Variants in MED12 observed in about 807,000 individuals in gnomAD.
The protein encoded by MED12 is mediator complex subunit 12.
In MED12, 10 loss-of-function variants were observed where a neutral mutation model predicts 177.7. The ratio of observed to expected loss-of-function variants is 0.06; its 90% confidence interval spans 0.03 to 0.10. MED12 has a LOEUF of 0.10. Ranked by LOEUF, MED12 falls within the 10% of genes least tolerant of loss-of-function variation. The pLI, the probability that MED12 is intolerant of heterozygous loss-of-function variation, is 1.00. For synonymous variants in MED12, 641 were observed against 678.4 expected (o/e 0.94, Z 0.86); for missense variants, 867 against 1,780.8 (o/e 0.49, Z 9.23).
At chrX:71,120,428 T>C (rs954267442) in intron 4 of MED12, among the ~76,000 whole-genome samples, 3 of 109,954 alleles carry the variant, frequency 2.7e-5, no homozygotes, top group Non-Finnish European at 5.7e-5. Context: ...AATAACATAA[T>C]TAAATATAGA....
chrX:71,138,411 C>T (rs189364326), intron 41 of MED12, among the ~76,000 whole-genome samples: 44 of 110,354 alleles, frequency 4.0e-4, no homozygotes, highest in African/African-American at 6.9e-4. Context: ...ACTGCAGCCT[C>T]GACCTCTGAG....
intron 41 of MED12, among the ~76,000 whole-genome samples, chrX:71,139,592 T>C (rs763601210): frequency 1.8e-5 from 2 of 110,307 alleles, no homozygotes; most frequent in South Asian, 7.8e-4. Context: ...GGATGTGTAC[T>C]GGAAGGTGCA....
rs746446992 is a variant in MED12, at chrX:71,125,735, A to G, written c.2422+22A>G. 7 of 1,154,799 alleles carry G rather than the reference A, an allele frequency of 6.1e-6. No individual in the cohort carries two copies. In the East Asian group the frequency reaches 2.2e-4, roughly 36 times the overall value. ...TTAGGTACCTCACAGTAAGCCCCAT[A>G]CTGCCCTCCCTCCCTCTCCCTTCCC... On this transcript the variant is annotated intron_variant, in intron 17 of 44. Coordinates refer to ENST00000374080, the MANE Select transcript of MED12 (RefSeq NM_005120.3).
chrX:71,131,503 G>A (rs952899924), intron 28 of MED12, 47 bp from the exon 29 acceptor site: 1 of 1,156,144 alleles, frequency 8.6e-7, no homozygotes, highest in East Asian at 3.0e-5. Context: ...TGGGTAGCTG[G>A]GGGTAACACG....
At chrX:71,127,206 A>T in intron 20 of MED12, 74 bp downstream of exon 20, 2 of 1,133,351 alleles carry the variant, frequency 1.8e-6, no homozygotes, top group Non-Finnish European at 1.2e-6. Flanking sequence ...AAGAGCATGC[A>T]CTTCCTCACA....
chrX:71,124,756 G>T lies in MED12; in HGVS notation c.1975-8G>T, dbSNP rs759564195. On this transcript the variant is annotated splice_region_variant and splice_polypyrimidine_tract_variant and intron_variant, in intron 13 of 44. Coordinates refer to ENST00000374080, the MANE Select transcript of MED12 (RefSeq NM_005120.3). ...TAAAGCAACTTCGCTTATGTTCTAT[G>T]CCCTCAGGATCCAGGGCTCTCAGAA... The T allele has an allele frequency of 8.3e-7, 1 of 1,201,862 alleles. No homozygotes were observed. Among genetic ancestry groups the T allele is most frequent in the African/African-American group, 1.8e-5 (1 of 56,946 alleles).
chrX:71,121,447 G>A lies in MED12; in HGVS notation c.846+10G>A. On this transcript the variant is annotated intron_variant, in intron 6 of 44. Coordinates refer to ENST00000374080, the MANE Select transcript of MED12 (RefSeq NM_005120.3). ...GCCTCTGCTTCTCCGAGTAAGGCTT[G>A]GAATTTTGGTACTGGTGGGGCAGGG... 7 of 1,210,089 alleles carry A rather than the reference G, an allele frequency of 5.8e-6. No homozygotes were observed. Among genetic ancestry groups the A allele is most frequent in the Middle Eastern group, 2.3e-4 (1 of 4,346 alleles).
In MED12 at chrX:71,134,472, G is replaced by A. The variant is rs1350088012; in HGVS notation, c.4727+6G>A. 3 of 1,082,380 alleles carry A rather than the reference G, an allele frequency of 2.8e-6. No homozygotes were observed. The highest frequency in any genetic ancestry group is 3.8e-6 in the Non-Finnish European group (3 of 794,828). The allele number at this position is 1,082,380 out of a possible 1,213,427, so 89.2% of individuals were successfully genotyped here. On this transcript the variant is annotated splice_donor_region_variant and intron_variant, in intron 34 of 44. Coordinates refer to ENST00000374080, the MANE Select transcript of MED12 (RefSeq NM_005120.3). ...GTCGACATGCAGTCCAACAAGTAAA[G>A]CATCCCCACCCGCTCCCTGCAGTTT...
intron 5 of MED12, 25 bp from the exon 6 acceptor site, chrX:71,121,302 C>T (rs1569480992): frequency 2.5e-6 from 3 of 1,186,077 alleles, no homozygotes; most frequent in African/African-American, 3.6e-5. Context: ...TAATAGTCCC[C>T]TCTTCCCTCC....
rs2147820965 is a variant in MED12 at position 71,134,400 on chromosome X, C to A, written c.4661C>A (p.Thr1554Asn). 1 of 1,169,665 alleles carries A rather than the reference C, an allele frequency of 8.5e-7. No individual in the cohort carries two copies. The highest frequency in any genetic ancestry group is 1.8e-5 in the African/African-American group (1 of 56,203). Residue 1554 changes from threonine to asparagine, a missense_variant, in exon 34 of 45, where the codon ACC (threonine) becomes AAC (asparagine). This residue lies in a region of MED12 where 34 missense variants were observed against 58.9 expected (regional missense o/e 0.58). Transcript: ENST00000374080. ...ACGGTGCAGCGCAGCACCCAGCAGA[C>A]CACGGAGTGGGCCATGCTCCTCCTG... ...FDTVQRSTQQTTEWAMLLLEI... is the reference protein window; with the variant it reads ...FDTVQRSTQQNTEWAMLLLEI...
Position 71,142,264 on chromosome X carries a change from T to G in MED12, c.*46T>G. The G allele has an allele frequency of 3.5e-6, 4 of 1,158,581 alleles. No homozygotes were observed. The highest frequency in any genetic ancestry group is 4.7e-6 in the Non-Finnish European group (4 of 847,141). On this transcript the variant is annotated 3_prime_UTR_variant, in exon 45 of 45. Transcript: ENST00000374080. ...GTGCACTGGATGTGGCCCCACCCTTTCCTCTTAATTCCCAATCCCATTCCT... is the reference window on the plus strand; with the variant it reads ...GTGCACTGGATGTGGCCCCACCCTTGCCTCTTAATTCCCAATCCCATTCCT...
Position 71,122,582 on chromosome X carries a change from C to G in MED12, c.1323C>G (p.Phe441Leu), listed in dbSNP as rs371928861. The change falls in exon 9 of 45, where the codon TTC (phenylalanine) becomes TTG (leucine). Residue 441 changes from phenylalanine (F) to leucine (L), a missense_variant. This residue lies in a region of MED12 where 309 missense variants were observed against 556.3 expected (regional missense o/e 0.56). Transcript: ENST00000374080. ...RGQAVEVRWSFDKCQEATAGF... is the reference protein window; with the variant it reads ...RGQAVEVRWSLDKCQEATAGF... Reference sequence around the variant, plus strand: ...AGGCAGTTGAAGTTCGCTGGTCTTTCGATAAATGCCAGGAAGCTACTGCAG... The same window carrying G: ...AGGCAGTTGAAGTTCGCTGGTCTTTGGATAAATGCCAGGAAGCTACTGCAG... The G allele has an allele frequency of 2.5e-6, 3 of 1,209,330 alleles. No individual in the cohort carries two copies. The highest frequency in any genetic ancestry group is 3.4e-6 in the Non-Finnish European group (3 of 893,710).
rs56658066 is a variant in MED12 at position 71,132,767 on chromosome X, CCTCTT to C, written c.4416-20_4416-16del. On this transcript the variant is annotated intron_variant, in intron 31 of 44. Coordinates refer to ENST00000374080, the MANE Select transcript of MED12 (RefSeq NM_005120.3). The stretch of plus-strand genomic sequence containing the variant: ...TCCCTTTTCTCCTCTCCTCTTCTCT[CCTCTT>C]CTCTTCTCTTCTCTTCTCTTCTCTT... 51,967 of 651,266 alleles carry C rather than the reference CCTCTT, an allele frequency of 0.08. 2,461 individuals are homozygous for C. Among genetic ancestry groups the C allele is most frequent in the African/African-American group, 0.18 (7,176 of 39,276 alleles). 53.7% of individuals were successfully genotyped at this position (651,266 alleles called of 1,213,427 possible).
intron 8 of MED12, 39 bp from the exon 9 acceptor site, chrX:71,122,469 C>T (rs2147782760): frequency 8.4e-7 from 1 of 1,191,509 alleles, no homozygotes; most frequent in South Asian, 1.8e-5. Flanking sequence ...TTTTATATGC[C>T]TTGGTACATC....
rs199760183 is a variant in MED12, at chrX:71,137,399, G to T, written c.5748+16G>T. ...ACAGCTCCAGGCAAAGATAGTGAGA[G>T]GGGCAGTAGGGAGGGCTGTCAGGGA... On this transcript the variant is annotated intron_variant, in intron 39 of 44. Transcript: ENST00000374080. The T allele has an allele frequency of 9.9e-4, 1,192 of 1,206,626 alleles. 2 individuals carry two copies. The highest frequency in any genetic ancestry group is 1.2e-3 in the Middle Eastern group (5 of 4,344).
rs750250372 is a variant in MED12, at chrX:71,137,251, A to C, written c.5616A>C (p.Pro1872=). Residue 1872 remains proline (P), a synonymous_variant, in exon 39 of 45, where the codon CCA becomes CCC. Transcript: ENST00000374080. ...RLPMQKLPTR[P]TYPGVLPTTM... ...CAATGCAGAAGCTGCCCACCCGACC[A>C]ACTTACCCTGGAGTGCTGCCCACAA... is the stretch of plus-strand genomic sequence containing the variant. 2.5e-6 allele frequency: 3 copies of C among 1,211,750 alleles called. No homozygotes were observed. Among genetic ancestry groups the C allele is most frequent in the South Asian group, 1.8e-5 (1 of 56,985 alleles).
intron 30 of MED12, 83 bp downstream of exon 30, chrX:71,132,289 C>T: frequency 8.6e-7 from 1 of 1,167,207 alleles, no homozygotes; most frequent in South Asian, 1.8e-5. Context: ...GTGGAGATGC[C>T]AGCATGTCCA....
At chrX:71,138,322 C>CA (rs1270653957) in intron 41 of MED12, among the ~76,000 whole-genome samples, 1 of 109,761 alleles carries the variant, frequency 9.1e-6, no homozygotes, top group African/African-American at 3.3e-5. Context: ...CCCATCTCTA[C>CA]AAAAAAAATA....
chrX:71,118,716 T>G lies in MED12; in HGVS notation c.-39T>G, dbSNP rs749937972. 8.6e-7 allele frequency: 1 copy of G among 1,166,409 alleles called. No individual in the cohort carries two copies. Among genetic ancestry groups the G allele is most frequent in the Non-Finnish European group, 1.2e-6 (1 of 862,136 alleles). ...CCCCTTCCCGTTCCCCCAGTCAGCCTGGCCCTGCTGGTGCCTCCGGCGCTA... is the reference window on the plus strand; with the variant it reads ...CCCCTTCCCGTTCCCCCAGTCAGCCGGGCCCTGCTGGTGCCTCCGGCGCTA... On this transcript the variant is annotated 5_prime_UTR_variant, in exon 1 of 45. Coordinates refer to ENST00000374080, the MANE Select transcript of MED12 (RefSeq NM_005120.3).
Sources: allele counts gnomAD v4.1 joint callset (sites outside exome capture counted in the v4.1 genomes callset), GRCh38; gene constraint gnomAD v4.1.1; regional missense constraint gnomAD v4.1.1; transcripts MANE v1.5; gene names NCBI Gene and HGNC (gene_info 2026-07-23, HGNC 2026-07-21).